Variants in TSHZ2 observed in about 807,000 individuals in gnomAD.
The protein encoded by TSHZ2 is teashirt zinc finger homeobox 2.
A neutral mutation model predicts 74.4 loss-of-function variants in TSHZ2; 21 were observed. That is an observed-to-expected ratio of 0.28 (90% confidence interval 0.20 to 0.41). The LOEUF is 0.41. Among genes scored for constraint, TSHZ2 ranks in the 10% least tolerant of loss-of-function variants. The pLI is 1.00. For synonymous variants in TSHZ2, 540 were observed against 515.3 expected (o/e 1.05, Z -0.65); for missense variants, 1,244 against 1,293.5 (o/e 0.96, Z 0.59).
At chr20:53,361,102 C>A (rs1981033348) in intron 2 of TSHZ2, among the ~76,000 whole-genome samples, 1 of 152,194 alleles carries the variant, frequency 6.6e-6, no homozygotes, top group South Asian at 2.1e-4. Context: ...TGGCTGTGCT[C>A]ACTGGCCCCA....
At chr20:53,360,778 C>A (rs1457572708) in intron 2 of TSHZ2, among the ~76,000 whole-genome samples, 1 of 152,118 alleles carries the variant, frequency 6.6e-6, no homozygotes, top group Non-Finnish European at 1.5e-5. Flanking sequence ...AACAATAGAC[C>A]TGGAGTATCA....
chr20:53,199,906 G>A (rs1988959542), intron 1 of TSHZ2, among the ~76,000 whole-genome samples: 2 of 152,204 alleles, frequency 1.3e-5, no homozygotes, highest in South Asian at 4.1e-4. Context: ...TGCCTGTGAG[G>A]AGTAAATGTG....
chr20:53,138,580 C>T (rs535805164), intron 1 of TSHZ2, among the ~76,000 whole-genome samples: 32 of 152,122 alleles, frequency 2.1e-4, no homozygotes, highest in Non-Finnish European at 4.4e-4. Context: ...CTTCCTCCAC[C>T]CCCCAACCCC....
intron 2 of TSHZ2, among the ~76,000 whole-genome samples, chr20:53,327,271 T>A (rs568519436): frequency 5.3e-5 from 8 of 152,316 alleles, no homozygotes; most frequent in Admixed American, 5.2e-4. Context: ...AGCTGTGGGA[T>A]GTCAAAGAGT....
chr20:53,361,658 G>T (rs1981058205), intron 2 of TSHZ2, among the ~76,000 whole-genome samples: 1 of 152,068 alleles, frequency 6.6e-6, no homozygotes, highest in African/African-American at 2.4e-5. Context: ...AATTATTTTG[G>T]GGGATCGGTT....
chr20:53,026,752 C>T (rs1983460059), intron 1 of TSHZ2, among the ~76,000 whole-genome samples: 1 of 152,076 alleles, frequency 6.6e-6, no homozygotes, highest in African/African-American at 2.4e-5. Flanking sequence ...AAAGTATGTA[C>T]TATTTTGTAA....
At chr20:53,306,430 G>A (rs1292333806) in intron 2 of TSHZ2, among the ~76,000 whole-genome samples, 1 of 152,126 alleles carries the variant, frequency 6.6e-6, no homozygotes, top group Non-Finnish European at 1.5e-5. Context: ...AGTGCTGGAG[G>A]TGGTGTTTGC....
chr20:53,170,530 G>T (rs113905940), intron 1 of TSHZ2, among the ~76,000 whole-genome samples: 2 of 152,112 alleles, frequency 1.3e-5, no homozygotes, highest in African/African-American at 4.8e-5. Flanking sequence ...GTGGTGGCGG[G>T]GGCCGGGGAG....
intron 2 of TSHZ2, among the ~76,000 whole-genome samples, chr20:53,375,131 G>A (rs1981615483): frequency 6.6e-6 from 1 of 152,074 alleles, no homozygotes; most frequent in South Asian, 2.1e-4. Context: ...TATTGCCTAA[G>A]GGTGAGACTA....
intron 1 of TSHZ2, among the ~76,000 whole-genome samples, chr20:53,068,767 G>A (rs1985076529): frequency 6.6e-6 from 1 of 152,106 alleles, no homozygotes. Flanking sequence ...ACACCCATAT[G>A]ACTTTTAATC....
chr20:52,990,969 G>A (rs1196701031), intron 1 of TSHZ2, among the ~76,000 whole-genome samples: 1 of 152,170 alleles, frequency 6.6e-6, no homozygotes, highest in African/African-American at 2.4e-5. Flanking sequence ...TTTTGATTGT[G>A]TATTTCTGCT....
intron 1 of TSHZ2, among the ~76,000 whole-genome samples, chr20:53,026,385 T>G (rs533402731): frequency 6.6e-6 from 1 of 151,780 alleles, no homozygotes; most frequent in African/African-American, 2.4e-5. Context: ...CAAGGTCTCA[T>G]TCTGTTGCCC....
chr20:53,113,036 TTAAGAA>T (rs1568765350), intron 1 of TSHZ2, among the ~76,000 whole-genome samples: 1 of 152,186 alleles, frequency 6.6e-6, no homozygotes, highest in Non-Finnish European at 1.5e-5. Flanking sequence ...TATGCAAAGT[TTAAGAA>T]TATCAGCCAC....
chr20:52,975,233 A>G (rs1290063114), intron 1 of TSHZ2, among the ~76,000 whole-genome samples: 2 of 152,064 alleles, frequency 1.3e-5, no homozygotes, highest in African/African-American at 4.8e-5. Flanking sequence ...AAGAAGTGAT[A>G]CTGCCCTGAA....
At chr20:53,222,006 A>C (rs1352037200) in intron 1 of TSHZ2, among the ~76,000 whole-genome samples, 3 of 152,208 alleles carry the variant, frequency 2.0e-5, no homozygotes, top group Non-Finnish European at 4.4e-5. Context: ...TGACTTTCAT[A>C]CTGGCATTGT....
chr20:53,317,058 C>A (rs1979055015), intron 2 of TSHZ2, among the ~76,000 whole-genome samples: 1 of 152,142 alleles, frequency 6.6e-6, no homozygotes, highest in African/African-American at 2.4e-5. Context: ...TAGCTAATAA[C>A]AGTGTGAGAA....
At chr20:53,452,323 A>G (rs1855475) in intron 2 of TSHZ2, among the ~76,000 whole-genome samples, 116,960 of 152,188 alleles carry the variant, frequency 0.77, 45,978 homozygotes, top group African/African-American at 0.93. Context: ...GAGCAGGCCA[A>G]GCGTGGTGGC....
chr20:53,440,076 C>T (rs1237820945), intron 2 of TSHZ2, among the ~76,000 whole-genome samples: 1 of 150,860 alleles, frequency 6.6e-6, no homozygotes, highest in Non-Finnish European at 1.5e-5. Context: ...GAAATGTAAT[C>T]GAAATCACTG....
At chr20:53,063,201 G>A (rs561168006) in intron 1 of TSHZ2, among the ~76,000 whole-genome samples, 1 of 152,284 alleles carries the variant, frequency 6.6e-6, no homozygotes, top group South Asian at 2.1e-4. Flanking sequence ...CTTACTGGAT[G>A]CAGGCTTGCC....
Sources: allele counts gnomAD v4.1 joint callset (sites outside exome capture counted in the v4.1 genomes callset), GRCh38; gene constraint gnomAD v4.1.1; transcripts MANE v1.5; gene names NCBI Gene and HGNC (gene_info 2026-07-23, HGNC 2026-07-21).